Variants in CHD1L observed in about 807,000 individuals in gnomAD.
CHD1L encodes the protein ATP-dependent chromatin remodeler CHD1L.
Under a neutral mutation model 115.9 loss-of-function variants are expected in CHD1L, and 118 were observed. The ratio of observed to expected loss-of-function variants is 1.02; its 90% CI spans 0.88 to 1.19. CHD1L has a LOEUF of 1.19. Ranked by LOEUF, CHD1L falls within the 50% of genes most tolerant of loss-of-function variation. The pLI is 0.00. For synonymous variants in CHD1L, 411 were observed against 387.1 expected, an observed-to-expected ratio of 1.06 and a Z score of -0.72; for missense variants, 1,179 against 1,065.3, an observed-to-expected ratio of 1.11 and a Z score of -1.49.
At chr1:147,223,845 G>A in the CHD1L span, 2 of 299,570 alleles carry the variant, frequency 6.7e-6, no homozygotes, top group Non-Finnish European at 1.3e-5. Context: ...CTGCTTACGC[G>A]GGCCCACAAG....
chr1:147,216,182 G>A, the CHD1L span, among the ~76,000 whole-genome samples: 1 of 152,168 alleles, frequency 6.6e-6, no homozygotes, highest in East Asian at 1.9e-4. Context: ...CAAGTCATAA[G>A]TAGCCTTGCG....
the CHD1L span, among the ~76,000 whole-genome samples, chr1:147,202,432 G>C: frequency 6.8e-6 from 1 of 147,398 alleles, no homozygotes; most frequent in Non-Finnish European, 1.5e-5. Context: ...TGATTCTGCT[G>C]TCTCAGCCTC....
chr1:147,260,549 T>C (rs147146577), intron 6 of CHD1L: 1 of 152,332 alleles, frequency 6.6e-6, no homozygotes, highest in Non-Finnish European at 1.5e-5. Context: ...TTCAGATGTT[T>C]CAACTCTCTT....
chr1:147,252,802 C>A, intron 2 of CHD1L, 67 bp downstream of exon 2: 1 of 1,284,430 alleles, frequency 7.8e-7, no homozygotes, highest in Non-Finnish European at 1.1e-6. Flanking sequence ...CATTCTGGAG[C>A]TGAGAGCTCT....
the CHD1L span, among the ~76,000 whole-genome samples, chr1:147,229,830 G>A: frequency 2.0e-5 from 3 of 151,904 alleles, no homozygotes; most frequent in African/African-American, 7.3e-5. Context: ...TGGTGTATAA[G>A]AATGCTTGTG....
the CHD1L span, chr1:147,225,400 G>A: frequency 4.7e-6 from 1 of 214,340 alleles, no homozygotes; most frequent in South Asian, 8.1e-5. Context: ...AGAGCCAACG[G>A]GGAGGGGCTG....
At chr1:147,287,153 C>T (rs782177326) in intron 18 of CHD1L, among the ~76,000 whole-genome samples, 7 of 152,188 alleles carry the variant, frequency 4.6e-5, no homozygotes, top group East Asian at 1.9e-4. Context: ...CGATGCCTTA[C>T]GTGTAATACA....
intron 14 of CHD1L, among the ~76,000 whole-genome samples, chr1:147,277,739 G>C (rs587664694): frequency 4.3e-4 from 65 of 152,276 alleles, no homozygotes; most frequent in African/African-American, 1.5e-3. Flanking sequence ...GTACGCTGTA[G>C]ATACCCTTAA....
chr1:147,248,435 C>T (rs113662441), intron 1 of CHD1L, among the ~76,000 whole-genome samples: 1 of 151,962 alleles, frequency 6.6e-6, no homozygotes. Flanking sequence ...CTTGAACTCC[C>T]TACCTCAGGA....
chr1:147,256,490 A>C (rs370261455), intron 4 of CHD1L, 41 bp from the exon 5 acceptor site: 14 of 1,578,506 alleles, frequency 8.9e-6, no homozygotes, highest in Non-Finnish European at 1.2e-5. Flanking sequence ...ATCAGAGTTT[A>C]TCAATGCCAG....
At chr1:147,186,773 ATGC>A in the CHD1L span, 1 of 1,468,954 alleles carries the variant, frequency 6.8e-7, no homozygotes, top group Non-Finnish European at 9.0e-7. Flanking sequence ...AAGTGAATTA[ATGC>A]TTTCGAAAGA....
chr1:147,254,881 CTTCAT>C lies in CHD1L; in HGVS notation c.255_259del (p.Phe85LeufsTer8). 6.2e-7 allele frequency: 1 copy of C among 1,603,874 alleles called. No individual in the cohort carries two copies. On this transcript the variant is annotated frameshift_variant, in exon 3 of 23. Coordinates refer to ENST00000369258, the MANE Select transcript of CHD1L (RefSeq NM_004284.6). LOFTEE classifies it high-confidence loss of function. ...TTTCTGTGTTCCAGACTATTGCTCT[CTTCAT>C]TTATTTGGCAGGAAGATTAAATGAT...
Position 147,288,623 on chromosome 1 carries a change from A to G in CHD1L, c.2320+890A>G, listed in dbSNP as rs1194127958. Among the ~76,000 whole-genome samples the G allele has an allele frequency of 6.6e-5, 10 of 152,184 alleles. No individual in the cohort carries two copies. The East Asian group carries it at 1.4e-3, about 21-fold the overall frequency. ...TTGAACCTGGGAGGTGGAGGTTGCAATGAGCTGAGATCATGCCATTGCACT... is the reference window on the plus strand; with the variant it reads ...TTGAACCTGGGAGGTGGAGGTTGCAGTGAGCTGAGATCATGCCATTGCACT... On this transcript the variant is annotated intron_variant, in intron 19 of 22. Transcript: ENST00000369258.
rs1280350026 is a variant in CHD1L at position 147,242,744 on chromosome 1, C to G, written c.41C>G (p.Pro14Arg). Residue 14 changes from proline (P) to arginine (R), a missense_variant, in exon 1 of 23, where the codon CCT (proline) becomes CGT (arginine). Transcript: ENST00000369258. ...AGATSRGGQA[P>R]GFLLRLHTEG... ...GCTACTAGCCGCGGGGGCCAAGCCC[C>G]TGGCTTCTTACTGCGGCTTCATACT... 4.8e-6 allele frequency: 6 copies of G among 1,263,128 alleles called. No individual in the cohort carries two copies. The African/African-American group carries it at 6.1e-5, about 13-fold the overall frequency. The allele number at this position is 1,263,128 out of a possible 1,614,324, so 78.2% of individuals were successfully genotyped here.
the CHD1L span, among the ~76,000 whole-genome samples, chr1:147,192,639 G>A: frequency 3.3e-5 from 5 of 152,066 alleles, no homozygotes; most frequent in Admixed American, 2.0e-4. Context: ...TATGATATTG[G>A]CTGTGGGTTT....
intron 14 of CHD1L, among the ~76,000 whole-genome samples, chr1:147,279,355 T>C (rs587597107): frequency 6.6e-6 from 1 of 152,260 alleles, no homozygotes; most frequent in South Asian, 2.1e-4. Flanking sequence ...TATCTGTGCT[T>C]TCTGCATGGT....
At chr1:147,193,198 G>T in the CHD1L span, among the ~76,000 whole-genome samples, 1 of 152,110 alleles carries the variant, frequency 6.6e-6, no homozygotes, top group South Asian at 2.1e-4. Flanking sequence ...CCTGTTATTG[G>T]TCTATTCAGA....
At chr1:147,290,831 T>C (rs1215975884) in intron 19 of CHD1L, among the ~76,000 whole-genome samples, 3 of 152,072 alleles carry the variant, frequency 2.0e-5, no homozygotes, top group African/African-American at 7.2e-5. Flanking sequence ...TTCTTATTTT[T>C]TGTAGAGACT....
the CHD1L span, chr1:147,178,218 G>A: frequency 6.2e-6 from 10 of 1,613,452 alleles, no homozygotes; most frequent in Admixed American, 1.3e-4. Flanking sequence ...ACGACAACTT[G>A]GAGAGTCGCA....
Sources: allele counts gnomAD v4.1 joint callset (sites outside exome capture counted in the v4.1 genomes callset), GRCh38; gene constraint gnomAD v4.1.1; transcripts MANE v1.5; gene names NCBI Gene and HGNC (gene_info 2026-07-23, HGNC 2026-07-21).